DPP10: variants seen among roughly 807,000 people sequenced by gnomAD.
The protein encoded by DPP10 is inactive dipeptidyl peptidase 10.
DPP10 carries 33 observed loss-of-function variants against 120.9 expected under a neutral mutation model. The ratio of observed to expected loss-of-function variants is 0.27; its 90% CI spans 0.21 to 0.37. The LOEUF (loss-of-function observed/expected upper bound fraction) is 0.37, where lower values mean the gene tolerates loss of function less well. Ranked by LOEUF, DPP10 falls within the 10% of genes least tolerant of loss-of-function variation. The pLI is 1.00. For missense variants in DPP10, 816 were observed against 942.8 expected, an observed-to-expected ratio of 0.87 and a Z score of 1.76; for synonymous variants, 337 against 326.1, an observed-to-expected ratio of 1.03 and a Z score of -0.36.
intron 3 of DPP10, among the ~76,000 whole-genome samples, chr2:115,432,310 G>C (rs1424182715): frequency 6.6e-6 from 1 of 152,072 alleles, no homozygotes; most frequent in Non-Finnish European, 1.5e-5. Flanking sequence ...CTGAAAGAAA[G>C]ACGATGCAAT....
intron 1 of DPP10, among the ~76,000 whole-genome samples, chr2:115,283,626 A>G (rs2060247522): frequency 6.6e-6 from 1 of 152,040 alleles, no homozygotes; most frequent in South Asian, 2.1e-4. Context: ...TCAGTCTGAA[A>G]GGTATTATTA....
intron 5 of DPP10, among the ~76,000 whole-genome samples, chr2:115,666,136 C>T (rs2089436317): frequency 6.6e-6 from 1 of 152,044 alleles, no homozygotes; most frequent in Admixed American, 6.6e-5. Context: ...GTGAGAACAT[C>T]CAGTATTTGG....
chr2:115,130,889 T>C (rs889456593), intron 1 of DPP10: 1 of 152,268 alleles, frequency 6.6e-6, no homozygotes, highest in Non-Finnish European at 1.5e-5. Flanking sequence ...TGCCTTCCTA[T>C]CACATAGTTA....
intron 1 of DPP10, among the ~76,000 whole-genome samples, chr2:114,839,820 T>C (rs1451656771): frequency 6.6e-6 from 1 of 152,112 alleles, no homozygotes; most frequent in African/African-American, 2.4e-5. Flanking sequence ...AAAGAAAAAA[T>C]GTAAAATTCT....
intron 1 of DPP10, among the ~76,000 whole-genome samples, chr2:114,955,720 ACAG>A (rs1255556589): frequency 6.6e-6 from 1 of 152,218 alleles, no homozygotes; most frequent in Non-Finnish European, 1.5e-5. Context: ...ACCAAGTTTA[ACAG>A]CACATTGAAG....
At chr2:114,448,124 TAAAG>T (rs966632814) in intron 1 of DPP10, among the ~76,000 whole-genome samples, 2 of 152,166 alleles carry the variant, frequency 1.3e-5, no homozygotes, top group East Asian at 1.9e-4. Flanking sequence ...TTCTTTTTAA[TAAAG>T]AGTGACTATA....
chr2:115,042,849 C>G (rs1193440226), intron 1 of DPP10, among the ~76,000 whole-genome samples: 1 of 152,152 alleles, frequency 6.6e-6, no homozygotes, highest in Non-Finnish European at 1.5e-5. Context: ...ATAGTGTATA[C>G]TTGTATATCA....
chr2:115,817,163 G>A (rs1482115160), intron 21 of DPP10, among the ~76,000 whole-genome samples: 1 of 151,744 alleles, frequency 6.6e-6, no homozygotes, highest in Non-Finnish European at 1.5e-5. Context: ...CAGGAGAATG[G>A]CTGATCCCGG....
At chr2:115,803,562 G>T (rs1021084090) in intron 19 of DPP10, among the ~76,000 whole-genome samples, 36 of 152,266 alleles carry the variant, frequency 2.4e-4, no homozygotes, top group Non-Finnish European at 4.0e-4. Flanking sequence ...TTTTGCAGTG[G>T]CTGGTACCGG....
rs560920915 is a variant in DPP10, at chr2:114,964,552, T to A, written c.61-344687T>A. Among the ~76,000 whole-genome samples the A allele has an allele frequency of 7.9e-5, 12 of 151,654 alleles. No individual in the cohort carries two copies. The South Asian group carries it at 1.3e-3, about 16-fold the overall frequency. On this transcript the variant is annotated intron_variant, in intron 1 of 25. Coordinates refer to ENST00000410059, the MANE Select transcript of DPP10 (RefSeq NM_020868.6). ...AGACTAGGAGACATGAAAGAATGAATCATGCAGATTTCTAGGAGAAGACTA... is the reference window on the plus strand; with the variant it reads ...AGACTAGGAGACATGAAAGAATGAAACATGCAGATTTCTAGGAGAAGACTA...
At chr2:114,713,759 G>A (rs1205441299) in intron 1 of DPP10, among the ~76,000 whole-genome samples, 2 of 152,134 alleles carry the variant, frequency 1.3e-5, no homozygotes, top group Non-Finnish European at 2.9e-5. Context: ...GGGAGGCAGA[G>A]GTGGGCGGAT....
chr2:114,661,109 A>G (rs563528566), intron 1 of DPP10, among the ~76,000 whole-genome samples: 1 of 152,298 alleles, frequency 6.6e-6, no homozygotes, highest in Non-Finnish European at 1.5e-5. Context: ...TCTGCCCCAA[A>G]TGATATATGC....
At chr2:114,923,572 G>A (rs1695373224) in intron 1 of DPP10, among the ~76,000 whole-genome samples, 1 of 144,698 alleles carries the variant, frequency 6.9e-6, no homozygotes, top group Non-Finnish European at 1.5e-5. Flanking sequence ...TCTGCCACCT[G>A]GGTTCACGCC....
chr2:114,716,978 C>A (rs1486199223), intron 1 of DPP10, among the ~76,000 whole-genome samples: 2 of 152,166 alleles, frequency 1.3e-5, no homozygotes, highest in East Asian at 3.9e-4. Flanking sequence ...AGAAACAAAA[C>A]TGCCACTTGA....
rs528712830 is a variant in DPP10 at position 114,765,430 on chromosome 2, T to C, written c.60+322592T>C. Among the ~76,000 whole-genome samples the C allele has an allele frequency of 1.3e-4, 20 of 152,286 alleles. No homozygotes were observed. In the South Asian group the frequency reaches 4.1e-3, roughly 32 times the overall value. On this transcript the variant is annotated intron_variant, in intron 1 of 25. Transcript: ENST00000410059. The stretch of plus-strand genomic sequence containing the variant: ...TTTATTCACTCTTGCTCATTCATTC[T>C]GTAAGTGAGCATTATGTGAACAAAG...
At chr2:115,044,538 CACTGGA>C (rs1704916289) in intron 1 of DPP10, among the ~76,000 whole-genome samples, 1 of 151,956 alleles carries the variant, frequency 6.6e-6, no homozygotes, top group Non-Finnish European at 1.5e-5. Flanking sequence ...ATGAGAAAAG[CACTGGA>C]AGGATGGTGC....
chr2:115,180,971 A>G (rs2054035744), intron 1 of DPP10, among the ~76,000 whole-genome samples: 1 of 75,400 alleles, frequency 1.3e-5, no homozygotes, highest in Non-Finnish European at 4.2e-5. Flanking sequence ...TAAAGAAGTG[A>G]ATAAAAGTTG....
chr2:115,447,627 A>G (rs1409425576), intron 3 of DPP10, among the ~76,000 whole-genome samples: 1 of 152,032 alleles, frequency 6.6e-6, no homozygotes, highest in Non-Finnish European at 1.5e-5. Context: ...ATAGGATCTG[A>G]TGGTTTTATA....
At chr2:115,657,790 CAT>C in intron 5 of DPP10, among the ~76,000 whole-genome samples, 1 of 152,000 alleles carries the variant, frequency 6.6e-6, no homozygotes, top group Non-Finnish European at 1.5e-5. Context: ...ATGTTCTTCA[CAT>C]GTTAATGGCT....
Sources: gnomAD v4.1 joint callset for allele counts (sites outside exome capture counted in the v4.1 genomes callset) on GRCh38, gnomAD v4.1.1 for gene constraint, MANE v1.5 for transcripts, NCBI Gene and HGNC (gene_info 2026-07-23, HGNC 2026-07-21) for gene names.